Variants in PSMB5 observed in about 807,000 individuals in gnomAD.
The protein encoded by PSMB5 is proteasome subunit beta type-5.
In PSMB5, 2 loss-of-function variants were observed where a neutral mutation model predicts 22.8. That is an observed-to-expected ratio of 0.09 (90% confidence interval 0.04 to 0.28). The LOEUF (loss-of-function observed/expected upper bound fraction) is 0.28, where lower values mean the gene tolerates loss of function less well. Ranked by LOEUF, PSMB5 falls within the 10% of genes least tolerant of loss-of-function variation. The probability of loss-of-function intolerance (pLI) is 1.00; values close to 1 mark genes in which losing one functional copy is unlikely to be tolerated. For synonymous variants in PSMB5, 133 were observed against 135.3 expected, an observed-to-expected ratio of 0.98 and a Z score of 0.12; for missense variants, 269 against 343.8, an observed-to-expected ratio of 0.78 and a Z score of 1.72.
chr14:23,026,510 C>T (rs920483433), intron 2 of PSMB5, 135 bp from the exon 3 acceptor site: 21 of 1,253,754 alleles, frequency 1.7e-5, no homozygotes, highest in Admixed American at 2.8e-5. Flanking sequence ...AGTGCAATGG[C>T]GCAATCTCGG....
chr14:23,026,117 T>C lies in PSMB5; in HGVS notation c.764A>G (p.His255Arg), dbSNP rs1038085901. Residue 255 changes from histidine (H) to arginine (R), a missense_variant, in exon 3 of 3, where the codon CAT becomes CGT. His to Arg is a conservative substitution (Grantham distance 29). Transcript: ENST00000361611. The part of the protein sequence containing the change: ...RVSSDNVADL[H>R]EKYSGSTP ...GGGGGTAGAGCCACTATACTTCTCATGTAGATCAGCCACATTGTCACTGGA... is the reference window on the plus strand; with the variant it reads ...GGGGGTAGAGCCACTATACTTCTCACGTAGATCAGCCACATTGTCACTGGA... 2 of 1,614,156 alleles carry C rather than the reference T, an allele frequency of 1.2e-6. No individual in the cohort carries two copies. Among genetic ancestry groups the C allele is most frequent in the South Asian group, 2.2e-5 (2 of 91,074 alleles).
intron 2 of PSMB5, among the ~76,000 whole-genome samples, chr14:23,030,285 T>C (rs901014605): frequency 6.6e-6 from 1 of 151,230 alleles, no homozygotes; most frequent in East Asian, 2.0e-4. Context: ...GTCAGGAGAT[T>C]GAGACCATCC....
At chr14:23,030,883 C>A (rs1438370570) in intron 2 of PSMB5, among the ~76,000 whole-genome samples, 1 of 152,098 alleles carries the variant, frequency 6.6e-6, no homozygotes, top group Admixed American at 6.6e-5. Flanking sequence ...TGAGATCGCG[C>A]CATTGCACTC....
chr14:23,033,793 C>T lies in PSMB5; in HGVS notation c.199-119G>A, dbSNP rs144604039. On this transcript the variant is annotated intron_variant, in intron 1 of 2. Transcript: ENST00000361611. ...TCTCTTTCTCCGTCCTTTTATACTT[C>T]ACAGTATACTTCTATACTTCACCAT... 3.4e-5 allele frequency: 29 copies of T among 857,406 alleles called. No homozygotes were observed. In the African/African-American group the frequency reaches 4.9e-4, roughly 15 times the overall value. The allele number at this position is 857,406 out of a possible 1,614,324, so 53.1% of individuals were successfully genotyped here.
In PSMB5 at chr14:23,033,629, C is replaced by T; in HGVS notation, c.244G>A (p.Gly82Ser). The T allele has an allele frequency of 6.2e-7, 1 of 1,612,978 alleles. No individual in the cohort carries two copies. The highest frequency in any genetic ancestry group is 8.5e-7 in the Non-Finnish European group (1 of 1,179,106). The change falls in exon 2 of 3, where the codon GGT (glycine) becomes AGT (serine). Residue 82 changes from glycine to serine, a missense_variant. By Grantham distance (56) the Gly-to-Ser change is moderately conservative (BLOSUM62 0). Around this residue, in one of 3 missense-constraint regions of PSMB5, gnomAD observed 75 missense variants for 143.2 expected, o/e 0.52. Coordinates refer to ENST00000361611, the MANE Select transcript of PSMB5 (RefSeq NM_002797.5). ...IVAADSRATA[G>S]AYIASQTVKK... is the part of the protein sequence containing the mutation. ...ACCGTCTGGGAGGCAATGTAAGCAC[C>T]CGCTGTAGCCCTGGAGTCAGCTGCA...
chr14:23,026,507 T>C, intron 2 of PSMB5, 132 bp from the exon 3 acceptor site: 1 of 1,274,468 alleles, frequency 7.8e-7, no homozygotes. Flanking sequence ...TAGAGTGCAA[T>C]GGCGCAATCT....
rs753294367 is a variant in PSMB5, at chr14:23,034,846, C to T, written c.36G>A (p.Pro12=). 2 of 1,614,230 alleles carry T rather than the reference C, an allele frequency of 1.2e-6. No individual in the cohort carries two copies. Among genetic ancestry groups the T allele is most frequent in the South Asian group, 2.2e-5 (2 of 91,080 alleles). Residue 12 remains proline (P), a synonymous_variant, in exon 1 of 3, where the codon CCG becomes CCA. Coordinates refer to ENST00000361611, the MANE Select transcript of PSMB5 (RefSeq NM_002797.5). ...GTCCGAAAAACCCGCGCTGGTTCAC[C>T]GGTAGCGGTCTCTCCAACACGCTGG... is the stretch of plus-strand genomic sequence containing the variant. ...ALASVLERPL[P]VNQRGFFGLG...
At chr14:23,032,381 T>C (rs1594714887) in intron 2 of PSMB5, among the ~76,000 whole-genome samples, 1 of 152,016 alleles carries the variant, frequency 6.6e-6, no homozygotes, top group African/African-American at 2.4e-5. Context: ...GAGGCAGAGG[T>C]TGTAGTGAGC....
chr14:23,034,573 A>T lies in PSMB5; in HGVS notation c.198+111T>A. 3 of 1,287,704 alleles carry T rather than the reference A, an allele frequency of 2.3e-6. 1 individual carries two copies. 79.8% of individuals were successfully genotyped at this position (1,287,704 alleles called of 1,614,324 possible). Reference sequence around the variant, plus strand: ...TGCTGCGGTCCGAACGAGAGGACCCAGCCTCCGCCTGGGTTGGTGGCCAAG... The same window carrying T: ...TGCTGCGGTCCGAACGAGAGGACCCTGCCTCCGCCTGGGTTGGTGGCCAAG... On this transcript the variant is annotated intron_variant, in intron 1 of 2. Transcript: ENST00000361611.
Position 23,034,678 on chromosome 14 carries a change from C to A in PSMB5, c.198+6G>T. 1.2e-6 allele frequency: 2 copies of A among 1,613,850 alleles called. No individual in the cohort carries two copies. Among genetic ancestry groups the A allele is most frequent in the Non-Finnish European group, 1.7e-6 (2 of 1,179,946 alleles). The stretch of plus-strand genomic sequence containing the variant: ...ACTCAGCCTGGCAAGGGGGCTGGCT[C>A]CACACCTTGAAGGCCAGGGTGGTTG... On this transcript the variant is annotated splice_donor_region_variant and intron_variant, in intron 1 of 2. Coordinates refer to ENST00000361611, the MANE Select transcript of PSMB5 (RefSeq NM_002797.5).
chr14:23,027,424 AAT>A (rs371329531), intron 2 of PSMB5, among the ~76,000 whole-genome samples: 8 of 143,644 alleles, frequency 5.6e-5, no homozygotes, highest in South Asian at 4.3e-4. Context: ...TAAATAAAAT[AAT>A]ATATATATAT....
intron 2 of PSMB5, among the ~76,000 whole-genome samples, chr14:23,027,377 T>C (rs1171336839): frequency 8.1e-6 from 1 of 123,976 alleles, no homozygotes; most frequent in Non-Finnish European, 1.6e-5. Flanking sequence ...CAAGACTTTG[T>C]CTCAAAAAAA....
At chr14:23,027,134 G>A (rs2046920476) in intron 2 of PSMB5, among the ~76,000 whole-genome samples, 1 of 151,562 alleles carries the variant, frequency 6.6e-6, no homozygotes, top group South Asian at 2.1e-4. Flanking sequence ...TGTAATCCCA[G>A]CACTTTGGGA....
At chr14:23,026,811 G>A (rs561207305) in intron 2 of PSMB5, among the ~76,000 whole-genome samples, 8 of 150,798 alleles carry the variant, frequency 5.3e-5, no homozygotes, top group Admixed American at 2.6e-4. Flanking sequence ...GGCCGGGCGC[G>A]GTGGCTCATG....
At chr14:23,027,250 G>A (rs2139912544) in intron 2 of PSMB5, among the ~76,000 whole-genome samples, 1 of 143,412 alleles carries the variant, frequency 7.0e-6, no homozygotes, top group Admixed American at 7.0e-5. Flanking sequence ...GTGTGGTTGC[G>A]GTCGCCTGCA....
rs1160249425 is a variant in PSMB5, at chr14:23,026,379, G to A, written c.506-4C>T. On this transcript the variant is annotated splice_region_variant and splice_polypyrimidine_tract_variant and intron_variant, in intron 2 of 2. Coordinates refer to ENST00000361611, the MANE Select transcript of PSMB5 (RefSeq NM_002797.5). ...TCACTGTCCACGTAGTAGAGGCCTGGAAAGGGAGATGAGGTTAGCAGGAAA... is the reference window on the plus strand; with the variant it reads ...TCACTGTCCACGTAGTAGAGGCCTGAAAAGGGAGATGAGGTTAGCAGGAAA... The A allele has an allele frequency of 3.1e-6, 5 of 1,611,814 alleles. No individual in the cohort carries two copies. The highest frequency in any genetic ancestry group is 4.2e-6 in the Non-Finnish European group (5 of 1,178,730).
chr14:23,033,324 C>A, intron 2 of PSMB5, 44 bp downstream of exon 2: 1 of 1,579,106 alleles, frequency 6.3e-7, no homozygotes, highest in East Asian at 2.3e-5. Flanking sequence ...CCCCTCCTCA[C>A]TGTAGTGTCA....
upstream of PSMB5, chr14:23,035,075 G>A (rs534156281): frequency 7.9e-6 from 9 of 1,144,148 alleles, no homozygotes; most frequent in Admixed American, 1.2e-4. Context: ...CGGGGAAATA[G>A]ATGGCTTCAC....
rs974732294 is a variant in PSMB5 at position 23,025,983 on chromosome 14, C to A, written c.*106G>T. 2.5e-5 allele frequency: 39 copies of A among 1,534,062 alleles called. No individual in the cohort carries two copies. Among genetic ancestry groups the A allele is most frequent in the Non-Finnish European group, 3.4e-5 (39 of 1,142,068 alleles). ...CAGAGCTTAAAAAAAAGTACTGATA[C>A]AATTGAAGGCCCTTCCACTATAAAT... On this transcript the variant is annotated 3_prime_UTR_variant, in exon 3 of 3. Transcript: ENST00000361611.
Sources: allele counts gnomAD v4.1 joint callset (sites outside exome capture counted in the v4.1 genomes callset), GRCh38; gene constraint gnomAD v4.1.1; regional missense constraint gnomAD v4.1.1; transcripts MANE v1.5; gene names NCBI Gene and HGNC (gene_info 2026-07-23, HGNC 2026-07-21).